Variants in ADGRB3 observed in about 807,000 individuals in gnomAD.
The protein encoded by ADGRB3 is brain-specific angiogenesis inhibitor 3.
ADGRB3 carries 37 observed loss-of-function variants against 193.4 expected under a neutral mutation model. The ratio of observed to expected loss-of-function variants is 0.19; its 90% confidence interval spans 0.15 to 0.25. The LOEUF is 0.25. Ranked by LOEUF, ADGRB3 falls within the 10% of genes least tolerant of loss-of-function variation. ADGRB3 has a pLI of 1.00. For synonymous variants in ADGRB3, 690 were observed against 644.2 expected (o/e 1.07, Z -1.08); for missense variants, 1,637 against 1,852.9 (o/e 0.88, Z 2.14).
intron 20 of ADGRB3, among the ~76,000 whole-genome samples, chr6:69,249,392 A>G (rs930511411): frequency 6.6e-6 from 1 of 152,192 alleles, no homozygotes; most frequent in Admixed American, 6.5e-5. Flanking sequence ...CCTCACAACC[A>G]AGCTGGACAT....
chr6:69,293,487 C>T (rs1463435008), intron 20 of ADGRB3, among the ~76,000 whole-genome samples: 4 of 152,280 alleles, frequency 2.6e-5, no homozygotes, highest in South Asian at 2.1e-4. Flanking sequence ...TGACCCTTTA[C>T]GTTTCTCAAA....
intron 3 of ADGRB3, among the ~76,000 whole-genome samples, chr6:68,798,775 A>G (rs1767259778): frequency 6.6e-6 from 1 of 152,200 alleles, no homozygotes; most frequent in South Asian, 2.1e-4. Flanking sequence ...CAAAGCTGTG[A>G]CTGCAAAGGA....
At chr6:68,803,812 A>C (rs1255191708) in intron 3 of ADGRB3, among the ~76,000 whole-genome samples, 2 of 152,144 alleles carry the variant, frequency 1.3e-5, no homozygotes. Flanking sequence ...CAATACATTT[A>C]AGTGTTAACT....
chr6:69,167,874 G>T (rs1775170567), intron 17 of ADGRB3, among the ~76,000 whole-genome samples: 1 of 152,048 alleles, frequency 6.6e-6, no homozygotes, highest in Non-Finnish European at 1.5e-5. Context: ...CACTGGGGTG[G>T]TTCATGTTTT....
At chr6:69,330,702 C>A in intron 23 of ADGRB3, 130 bp downstream of exon 23, 1 of 544,172 alleles carries the variant, frequency 1.8e-6, no homozygotes, top group South Asian at 4.6e-5. Flanking sequence ...GACTATTATT[C>A]TAATTGAATA....
intron 17 of ADGRB3, among the ~76,000 whole-genome samples, chr6:69,087,301 C>T (rs1410791942): frequency 6.6e-5 from 10 of 152,164 alleles, no homozygotes; most frequent in Admixed American, 6.5e-4. Context: ...TCTAGAAACA[C>T]ATGGAAAATA....
chr6:68,736,693 A>T (rs1424846266), intron 3 of ADGRB3, among the ~76,000 whole-genome samples: 4 of 152,168 alleles, frequency 2.6e-5, no homozygotes, highest in African/African-American at 9.6e-5. Context: ...AAAATGCTAA[A>T]TATTGAATAA....
Position 69,048,213 on chromosome 6 carries a change from C to T in ADGRB3, c.2136C>T (p.Ala712=). The change falls in exon 14 of 32, where the codon GCC becomes GCT. Residue 712 remains alanine (A), a synonymous_variant. Transcript: ENST00000370598. ...VVASIQKLPA[A]SVLTDINFPM... is the part of the protein sequence containing the mutation. ...CTAGTATTCAGAAGCTTCCTGCAGC[C>T]TCTGTTCTAACAGACATCAACTTTC... The T allele has an allele frequency of 6.2e-7, 1 of 1,612,642 alleles. No homozygotes were observed. The highest frequency in any genetic ancestry group is 1.1e-5 in the South Asian group (1 of 90,754).
chr6:69,101,283 G>A (rs926293863), intron 17 of ADGRB3, among the ~76,000 whole-genome samples: 2 of 151,988 alleles, frequency 1.3e-5, no homozygotes, highest in East Asian at 3.9e-4. Flanking sequence ...ATGGATTGCT[G>A]GTCTTCCGAG....
At chr6:68,728,964 G>A (rs529615175) in intron 3 of ADGRB3, among the ~76,000 whole-genome samples, 8 of 151,272 alleles carry the variant, frequency 5.3e-5, no homozygotes, top group African/African-American at 1.7e-4. Flanking sequence ...TTATTTAGAA[G>A]CATACATATA....
At chr6:69,086,762 T>C (rs1772562249) in intron 17 of ADGRB3, among the ~76,000 whole-genome samples, 1 of 152,158 alleles carries the variant, frequency 6.6e-6, no homozygotes, top group South Asian at 2.1e-4. Flanking sequence ...ACATATATCA[T>C]TATGGTTTAG....
chr6:69,232,837 C>T lies in ADGRB3; in HGVS notation c.2481-453C>T, dbSNP rs149586403. Among the ~76,000 whole-genome samples, 65 of 152,312 alleles carry T rather than the reference C, an allele frequency of 4.3e-4. 1 individual carries two copies. The East Asian group carries it at 0.012, about 28-fold the overall frequency. On this transcript the variant is annotated intron_variant, in intron 17 of 31. Coordinates refer to ENST00000370598, the MANE Select transcript of ADGRB3 (RefSeq NM_001704.3). ...TTTAGTCAGGCTTTTCAAAGAAATCCGCATTTTAAAAGCCAGCATTTATGG... is the reference window on the plus strand; with the variant it reads ...TTTAGTCAGGCTTTTCAAAGAAATCTGCATTTTAAAAGCCAGCATTTATGG...
intron 17 of ADGRB3, among the ~76,000 whole-genome samples, chr6:69,173,225 A>T (rs1775333604): frequency 6.6e-6 from 1 of 152,142 alleles, no homozygotes. Flanking sequence ...TTTAGTAGAG[A>T]TGGGGTTTCA....
chr6:68,999,519 C>T (rs906713157), intron 11 of ADGRB3, among the ~76,000 whole-genome samples: 1 of 152,200 alleles, frequency 6.6e-6, no homozygotes, highest in African/African-American at 2.4e-5. Flanking sequence ...CCGCCTCAAC[C>T]TCCCAAAGTT....
intron 17 of ADGRB3, among the ~76,000 whole-genome samples, chr6:69,154,557 A>G (rs1471240857): frequency 6.6e-6 from 1 of 152,172 alleles, no homozygotes; most frequent in African/African-American, 2.4e-5. Flanking sequence ...TTTTGTTCAT[A>G]TACTTCCTCC....
chr6:68,924,694 C>T (rs1049460275), intron 3 of ADGRB3, among the ~76,000 whole-genome samples: 1 of 151,952 alleles, frequency 6.6e-6, no homozygotes. Context: ...AGCTACCCAA[C>T]GAAATCATTT....
intron 3 of ADGRB3, among the ~76,000 whole-genome samples, chr6:68,789,600 T>G (rs1454404917): frequency 6.6e-6 from 1 of 152,222 alleles, no homozygotes; most frequent in African/African-American, 2.4e-5. Flanking sequence ...TTTTCCTTCA[T>G]TTCAACTGGT....
chr6:69,246,822 G>A (rs540504082), intron 20 of ADGRB3, among the ~76,000 whole-genome samples: 9 of 152,268 alleles, frequency 5.9e-5, no homozygotes, highest in East Asian at 3.9e-4. Flanking sequence ...CTTCAAAGCC[G>A]ATCAAAACTC....
intron 3 of ADGRB3, among the ~76,000 whole-genome samples, chr6:68,666,363 T>TAGACAA (rs1409164085): frequency 6.6e-6 from 1 of 151,960 alleles, no homozygotes; most frequent in African/African-American, 2.4e-5. Flanking sequence ...CTCTATGTTC[T>TAGACAA]CTTCCACCAT....
Sources: gnomAD v4.1 joint callset for allele counts (sites outside exome capture counted in the v4.1 genomes callset) on GRCh38, gnomAD v4.1.1 for gene constraint, MANE v1.5 for transcripts, NCBI Gene and HGNC (gene_info 2026-07-23, HGNC 2026-07-21) for gene names.